The following FSHR variants were observed in gnomAD, a reference collection of about 807,000 sequenced individuals.
FSHR encodes the protein follicle-stimulating hormone receptor.
A neutral mutation model predicts 52.1 loss-of-function variants in FSHR; 46 were observed. The observed-to-expected ratio is 0.88, with a 90% CI of 0.70 to 1.13. The LOEUF is 1.13. FSHR is among the 50% of genes most tolerant of loss of function. FSHR has a pLI of 0.00. For missense variants in FSHR, 964 were observed against 834.6 expected, an observed-to-expected ratio of 1.16 and a Z score of -1.91; for synonymous variants, 399 against 309.6, an observed-to-expected ratio of 1.29 and a Z score of -3.03.
chr2:49,077,846 G>T (rs763911406), intron 1 of FSHR, among the ~76,000 whole-genome samples: 1 of 152,154 alleles, frequency 6.6e-6, no homozygotes, highest in Non-Finnish European at 1.5e-5. Flanking sequence ...CTTTGTTCCA[G>T]TTACCAACAA....
chr2:49,116,083 AT>A (rs954547193), intron 1 of FSHR, among the ~76,000 whole-genome samples: 2 of 152,030 alleles, frequency 1.3e-5, no homozygotes, highest in African/African-American at 4.8e-5. Context: ...AGATCTTGGC[AT>A]TTTTTTTAGT....
chr2:49,030,760 G>A (rs1166682194), intron 2 of FSHR, among the ~76,000 whole-genome samples: 1 of 152,012 alleles, frequency 6.6e-6, no homozygotes, highest in African/African-American at 2.4e-5. Context: ...TATTTAACTG[G>A]TTTTATATCC....
At chr2:49,064,722 A>T (rs980756557) in intron 2 of FSHR, among the ~76,000 whole-genome samples, 1 of 152,170 alleles carries the variant, frequency 6.6e-6, no homozygotes, top group Non-Finnish European at 1.5e-5. Flanking sequence ...GTACTTCAGT[A>T]CGACGTTTCT....
At chr2:49,113,061 T>A (rs925204718) in intron 1 of FSHR, among the ~76,000 whole-genome samples, 6 of 152,086 alleles carry the variant, frequency 3.9e-5, no homozygotes, top group Non-Finnish European at 7.4e-5. Context: ...ACAGGCAGGA[T>A]GGGAGCCAGG....
At chr2:49,104,996 G>A (rs1211077160) in intron 1 of FSHR, among the ~76,000 whole-genome samples, 1 of 152,100 alleles carries the variant, frequency 6.6e-6, no homozygotes, top group South Asian at 2.1e-4. Context: ...TCCAGGCAAC[G>A]AAAATAACTC....
chr2:49,006,299 C>T (rs1338530043), intron 4 of FSHR, among the ~76,000 whole-genome samples: 2 of 152,072 alleles, frequency 1.3e-5, no homozygotes, highest in African/African-American at 4.8e-5. Flanking sequence ...ACTTACAGTC[C>T]AAGTCATTCT....
At chr2:49,139,669 C>T (rs1248600803) in intron 1 of FSHR, among the ~76,000 whole-genome samples, 13 of 150,114 alleles carry the variant, frequency 8.7e-5, no homozygotes, top group Admixed American at 8.6e-4. Flanking sequence ...ATGATCACGG[C>T]TCACTGCAAG....
At chr2:49,080,167 T>A (rs907679021) in intron 1 of FSHR, among the ~76,000 whole-genome samples, 2 of 152,216 alleles carry the variant, frequency 1.3e-5, no homozygotes, top group African/African-American at 4.8e-5. Flanking sequence ...TTCACCATTA[T>A]ATTGGTGAAC....
At chr2:49,008,064 A>C (rs1667131124) in intron 4 of FSHR, among the ~76,000 whole-genome samples, 1 of 150,922 alleles carries the variant, frequency 6.6e-6, no homozygotes, top group Admixed American at 6.6e-5. Context: ...TTTAGGGTAC[A>C]TGTGCACATT....
At position 48,962,616 on chromosome 2, in the gene FSHR, G is replaced by A. The variant is rs1674275061; in HGVS notation, c.*117C>T. The stretch of plus-strand genomic sequence containing the variant: ...CCTGACCAATTTACCTTAAAGGTAT[G>A]CCAGGAATATTAAATTAGATGAAAT... On this transcript the variant is annotated 3_prime_UTR_variant, in exon 10 of 10. Coordinates refer to ENST00000406846, the MANE Select transcript of FSHR (RefSeq NM_000145.4). 3 of 1,056,986 alleles carry A rather than the reference G, an allele frequency of 2.8e-6. No individual in the cohort carries two copies. The East Asian group carries it at 7.4e-5, about 26-fold the overall frequency. The allele number at this position is 1,056,986 out of a possible 1,614,324, so 65.5% of individuals were successfully genotyped here.
At chr2:49,020,463 G>A (rs1667647127) in intron 2 of FSHR, among the ~76,000 whole-genome samples, 1 of 152,050 alleles carries the variant, frequency 6.6e-6, no homozygotes, top group South Asian at 2.1e-4. Context: ...GAATATACAG[G>A]ATGAGAACAA....
chr2:49,058,552 T>C (rs1422625554), intron 2 of FSHR, among the ~76,000 whole-genome samples: 2 of 151,488 alleles, frequency 1.3e-5, no homozygotes, highest in African/African-American at 4.9e-5. Flanking sequence ...TTCAACACCC[T>C]CCTCCCCACC....
At chr2:48,967,567 C>T (rs911431273) in intron 9 of FSHR, among the ~76,000 whole-genome samples, 11 of 152,174 alleles carry the variant, frequency 7.2e-5, no homozygotes, top group Admixed American at 5.9e-4. Flanking sequence ...GAAGAAATTT[C>T]CTGGCTCTTG....
chr2:48,977,143 G>A (rs978663996), intron 8 of FSHR, among the ~76,000 whole-genome samples: 60 of 149,574 alleles, frequency 4.0e-4, no homozygotes, highest in Middle Eastern at 3.4e-3. Flanking sequence ...TCTCTCTCTC[G>A]TTTCTGTCTT....
intron 1 of FSHR, among the ~76,000 whole-genome samples, chr2:49,139,442 G>A (rs1000528728): frequency 1.3e-5 from 2 of 152,006 alleles, no homozygotes; most frequent in Non-Finnish European, 2.9e-5. Flanking sequence ...TAGAATGAGG[G>A]TATAGCACGC....
rs188751699 is a variant in FSHR at position 49,149,801 on chromosome 2, A to G, written c.152+4465T>C. On this transcript the variant is annotated intron_variant, in intron 1 of 9. Transcript: ENST00000406846. Reference sequence around the variant, plus strand: ...AGAAAGAAAATAAAAAGAGGAAAAGATAATTTGATAATTAGAAGTAAATGC... The same window carrying G: ...AGAAAGAAAATAAAAAGAGGAAAAGGTAATTTGATAATTAGAAGTAAATGC... Among the ~76,000 whole-genome samples, 54 of 152,194 alleles carry G rather than the reference A, an allele frequency of 3.5e-4. No individual in the cohort carries two copies. The East Asian group carries it at 0.01, about 29-fold the overall frequency.
intron 1 of FSHR, among the ~76,000 whole-genome samples, chr2:49,131,434 AC>A: frequency 6.6e-6 from 1 of 152,316 alleles, no homozygotes; most frequent in African/African-American, 2.4e-5. Flanking sequence ...GGCAATAAAA[AC>A]AAATAAATAA....
chr2:48,966,643 A>G (rs548777483), intron 9 of FSHR, among the ~76,000 whole-genome samples: 2 of 152,310 alleles, frequency 1.3e-5, no homozygotes, highest in East Asian at 1.9e-4. Context: ...CACATCTACT[A>G]TGATATACAA....
At chr2:48,993,058 T>G (rs1675858864) in intron 4 of FSHR, among the ~76,000 whole-genome samples, 1 of 152,200 alleles carries the variant, frequency 6.6e-6, no homozygotes, top group African/African-American at 2.4e-5. Flanking sequence ...CTCCTTCTCC[T>G]GTTACTCCTT....
Sources: gnomAD v4.1 joint callset for allele counts (sites outside exome capture counted in the v4.1 genomes callset) on GRCh38, gnomAD v4.1.1 for gene constraint, MANE v1.5 for transcripts, NCBI Gene and HGNC (gene_info 2026-07-23, HGNC 2026-07-21) for gene names.